FMN1: variants seen among roughly 807,000 people sequenced by gnomAD.
FMN1 encodes formin 1.
A neutral mutation model predicts 132.4 loss-of-function variants in FMN1; 110 were observed. The ratio of observed to expected loss-of-function variants is 0.83; its 90% CI spans 0.71 to 0.97. The LOEUF is 0.97. Among genes scored for constraint, FMN1 ranks in the 50% least tolerant of loss-of-function variants. The pLI is 0.00. For synonymous variants in FMN1, 722 were observed against 651.7 expected (o/e 1.11, Z -1.64); for missense variants, 1,792 against 1,705.3 (o/e 1.05, Z -0.90).
chr15:33,181,205 G>T (rs1965688194), intron 2 of FMN1, among the ~76,000 whole-genome samples: 1 of 152,018 alleles, frequency 6.6e-6, no homozygotes. Flanking sequence ...CTGCTATAAG[G>T]GTTCCTTGCA....
At chr15:32,965,793 A>G (rs2140624041) in intron 8 of FMN1, among the ~76,000 whole-genome samples, 1 of 152,318 alleles carries the variant, frequency 6.6e-6, no homozygotes, top group Non-Finnish European at 1.5e-5. Flanking sequence ...TGACATATGG[A>G]AGTTATAAAG....
In FMN1 at chr15:32,924,812, G is replaced by A. The variant is rs141620773; in HGVS notation, c.3226+1362C>T. Among the ~76,000 whole-genome samples, 415 of 152,312 alleles carry A rather than the reference G, an allele frequency of 2.7e-3. 4 individuals are homozygous for A. Among genetic ancestry groups the A allele is most frequent in the African/African-American group, 9.7e-3 (405 of 41,578 alleles). ...GCCTGTAATCCCAGGTACTTGGGAG[G>A]CTGAGGCAGGAGAATCACTTGAATC... On this transcript the variant is annotated intron_variant, in intron 10 of 20. Coordinates refer to ENST00000616417, the MANE Select transcript of FMN1 (RefSeq NM_001277313.2).
intron 4 of FMN1, among the ~76,000 whole-genome samples, chr15:33,106,563 G>GA (rs2039495918): frequency 6.6e-6 from 1 of 151,802 alleles, no homozygotes; most frequent in African/African-American, 2.4e-5. Context: ...TTCCTTTTCA[G>GA]AAAACACTCT....
intron 19 of FMN1, among the ~76,000 whole-genome samples, chr15:32,794,902 G>C (rs2057228942): frequency 6.6e-6 from 1 of 152,200 alleles, no homozygotes; most frequent in Admixed American, 6.5e-5. Flanking sequence ...TGATCTTCAA[G>C]AACAACATTA....
Position 32,827,022 on chromosome 15 carries a change from C to T in FMN1, c.3929-22690G>A, listed in dbSNP as rs148540444. 2.4e-4 allele frequency among the ~76,000 whole-genome samples: 37 copies of T among 152,332 alleles called. 1 individual carries two copies. The highest frequency in any genetic ancestry group is 8.9e-4 in the African/African-American group (37 of 41,574). On this transcript the variant is annotated intron_variant, in intron 17 of 20. Coordinates refer to ENST00000616417, the MANE Select transcript of FMN1 (RefSeq NM_001277313.2). The stretch of plus-strand genomic sequence containing the variant: ...GATTCAGGGATGGCATGTCCTCAGG[C>T]CTGTTGCCACGTCTCCATTAGGCTC...
At position 32,769,529 on chromosome 15, in the gene FMN1, T is replaced by C. The variant is rs2056156474; in HGVS notation, c.*4781A>G. The C allele has an allele frequency of 6.6e-6, 1 of 152,236 alleles. No homozygotes were observed. Among genetic ancestry groups the C allele is most frequent in the Non-Finnish European group, 1.5e-5 (1 of 68,038 alleles). The allele number at this position is 152,236 out of a possible 1,614,324, so 9.4% of individuals were successfully genotyped here. On this transcript the variant is annotated 3_prime_UTR_variant, in exon 21 of 21. Coordinates refer to ENST00000616417, the MANE Select transcript of FMN1 (RefSeq NM_001277313.2). ...TTGCTAATGGAGAGATGAATATCAT[T>C]ATGTAAGTCTAAAGAAGAAAGATAT... is the stretch of plus-strand genomic sequence containing the variant.
At chr15:32,956,813 T>C (rs2061779145) in intron 9 of FMN1, among the ~76,000 whole-genome samples, 1 of 152,112 alleles carries the variant, frequency 6.6e-6, no homozygotes. Flanking sequence ...TAATATAAAC[T>C]TGGAAAGCAA....
intron 10 of FMN1, among the ~76,000 whole-genome samples, chr15:32,922,271 T>C (rs1177477908): frequency 6.6e-6 from 1 of 152,220 alleles, no homozygotes; most frequent in Non-Finnish European, 1.5e-5. Flanking sequence ...CCAAGTGCAC[T>C]GGAATAGAAT....
At chr15:32,960,509 C>T (rs1173066142) in intron 9 of FMN1, among the ~76,000 whole-genome samples, 1 of 152,118 alleles carries the variant, frequency 6.6e-6, no homozygotes, top group East Asian at 1.9e-4. Flanking sequence ...CAAGACAACA[C>T]AATTACAGTG....
At chr15:32,832,651 GC>G (rs2058529022) in intron 17 of FMN1, among the ~76,000 whole-genome samples, 1 of 152,116 alleles carries the variant, frequency 6.6e-6, no homozygotes, top group African/African-American at 2.4e-5. Context: ...GGTGGTGAGT[GC>G]CTGTAATCCC....
intron 17 of FMN1, among the ~76,000 whole-genome samples, chr15:32,811,536 TA>T (rs573908455): frequency 5.2e-4 from 75 of 144,410 alleles, no homozygotes; most frequent in East Asian, 6.0e-4. Flanking sequence ...AGTCATAAAA[TA>T]AAAAAAAAAA....
intron 19 of FMN1, among the ~76,000 whole-genome samples, chr15:32,781,269 ATC>A (rs1232484879): frequency 6.6e-6 from 1 of 152,234 alleles, no homozygotes; most frequent in African/African-American, 2.4e-5. Flanking sequence ...AAATAAAAAT[ATC>A]TTACTTAATA....
chr15:32,790,234 T>C (rs1007748302), intron 19 of FMN1, among the ~76,000 whole-genome samples: 3 of 152,222 alleles, frequency 2.0e-5, no homozygotes, highest in African/African-American at 7.2e-5. Flanking sequence ...CCTCTTTATG[T>C]CTATGTAGCC....
At chr15:32,829,503 A>ATG (rs2058451548) in intron 17 of FMN1, among the ~76,000 whole-genome samples, 1 of 152,170 alleles carries the variant, frequency 6.6e-6, no homozygotes, top group Non-Finnish European at 1.5e-5. Context: ...AGGGCTCTAT[A>ATG]TGTGGCTGCT....
intron 19 of FMN1, among the ~76,000 whole-genome samples, chr15:32,791,367 C>CTTT (rs34331378): frequency 6.8e-6 from 1 of 147,954 alleles, no homozygotes; most frequent in East Asian, 2.0e-4. Flanking sequence ...AGCAATAAAC[C>CTTT]TTTTTTTTTT....
intron 7 of FMN1, among the ~76,000 whole-genome samples, chr15:32,984,784 A>G (rs2032947230): frequency 6.6e-6 from 1 of 152,112 alleles, no homozygotes; most frequent in Non-Finnish European, 1.5e-5. Context: ...CAGGATCCAT[A>G]TGTCATGAGA....
chr15:33,182,663 G>A (rs149412697), intron 2 of FMN1, among the ~76,000 whole-genome samples: 105 of 152,290 alleles, frequency 6.9e-4, no homozygotes, highest in African/African-American at 2.3e-3. Flanking sequence ...GCATCTCAGC[G>A]GGATCTCTCC....
chr15:32,798,941 T>C lies in FMN1; in HGVS notation c.3993A>G (p.Thr1331=), dbSNP rs1309531470. The C allele has an allele frequency of 6.2e-7, 1 of 1,613,222 alleles. No individual in the cohort carries two copies. The highest frequency in any genetic ancestry group is 8.5e-7 in the Non-Finnish European group (1 of 1,179,686). Residue 1331 remains threonine, a synonymous_variant, in exon 19 of 21, where the codon ACA becomes ACG. Transcript: ENST00000616417. The stretch of plus-strand genomic sequence containing the variant: ...TTGGCTTCATCCCAAAATATCGTAC[T>C]GTTGTTTCAAAACTGCAACAGGTAG... ...LENAQKSFET[T]VRYFGMKPKS...
intron 5 of FMN1, among the ~76,000 whole-genome samples, chr15:33,084,951 T>G (rs345797): frequency 0.17 from 26,612 of 152,194 alleles, 3,463 homozygotes; most frequent in African/African-American, 0.37. Context: ...ACATCCTGAT[T>G]GTGACGCTGC....
Sources: allele counts gnomAD v4.1 joint callset (sites outside exome capture counted in the v4.1 genomes callset), GRCh38; gene constraint gnomAD v4.1.1; transcripts MANE v1.5; gene names NCBI Gene and HGNC (gene_info 2026-07-23, HGNC 2026-07-21).